PCSK6: variants seen among roughly 807,000 people sequenced by gnomAD.
PCSK6 encodes proprotein convertase subtilisin/kexin type 6, also known as paired basic amino acid cleaving enzyme 4.
PCSK6 carries 85 observed loss-of-function variants against 123.3 expected under a neutral mutation model. The observed-to-expected ratio is 0.69, with a 90% CI of 0.58 to 0.83. The LOEUF (loss-of-function observed/expected upper bound fraction) is 0.83. Among genes scored for constraint, PCSK6 ranks in the 40% least tolerant of loss-of-function variants. The pLI, the probability that PCSK6 is intolerant of heterozygous loss-of-function variation, is 0.00. For missense variants in PCSK6, 1,191 were observed against 1,282.3 expected (o/e 0.93, Z 1.09); for synonymous variants, 508 against 516.0 (o/e 0.98, Z 0.21).
intron 1 of PCSK6, among the ~76,000 whole-genome samples, chr15:101,478,331 G>T (rs1213730146): frequency 1.3e-5 from 2 of 152,148 alleles, no homozygotes; most frequent in African/African-American, 2.4e-5. Context: ...GTCATGGTGG[G>T]GTACTGGAAT....
At chr15:101,392,257 A>G (rs4965381) in intron 8 of PCSK6, among the ~76,000 whole-genome samples, 65,644 of 152,094 alleles carry the variant, frequency 0.43, 14,395 homozygotes, top group South Asian at 0.55. Flanking sequence ...TGCGTACTCC[A>G]GCAGAAAAGG....
chr15:101,471,101 G>A (rs1385637145), intron 1 of PCSK6, among the ~76,000 whole-genome samples: 1 of 152,100 alleles, frequency 6.6e-6, no homozygotes, highest in Admixed American at 6.5e-5. Flanking sequence ...TTCTCCCTGG[G>A]GCTGAAACTC....
intron 21 of PCSK6, among the ~76,000 whole-genome samples, chr15:101,306,083 A>C (rs1272511479): frequency 1.5e-5 from 2 of 137,060 alleles, no homozygotes; most frequent in Middle Eastern, 3.6e-3. Flanking sequence ...GCCTGGAGGC[A>C]GGAGGGAATG....
chr15:101,387,266 T>C (rs2042090896), intron 9 of PCSK6, among the ~76,000 whole-genome samples: 1 of 152,186 alleles, frequency 6.6e-6, no homozygotes, highest in Non-Finnish European at 1.5e-5. Context: ...CCGTGCACCC[T>C]GGTAGAGAGG....
chr15:101,331,998 C>T lies in PCSK6; in HGVS notation c.1892G>A (p.Gly631Asp), dbSNP rs1178390399. 1.2e-6 allele frequency: 2 copies of T among 1,611,958 alleles called. No homozygotes were observed. Among genetic ancestry groups the T allele is most frequent in the South Asian group, 2.2e-5 (2 of 90,872 alleles). ...KLKEWSLILY[G>D]TAEHPYHTFS... ...GGTGTGGTACGGGTGCTCTGCTGTG[C>T]CATACAGTATGAGGCTCCATTCTTT... Residue 631 changes from glycine (G) to aspartate (D), a missense_variant, in exon 14 of 22, where the codon GGC (glycine) becomes GAC (aspartate). By Grantham distance (94) the Gly-to-Asp change is moderately conservative. Coordinates refer to ENST00000611716, the MANE Select transcript of PCSK6 (RefSeq NM_002570.5).
chr15:101,353,555 C>G (rs2040957981), intron 13 of PCSK6, among the ~76,000 whole-genome samples: 1 of 152,230 alleles, frequency 6.6e-6, no homozygotes, highest in Non-Finnish European at 1.5e-5. Flanking sequence ...AGCCTCTCAG[C>G]AGCAACATTC....
intron 1 of PCSK6, among the ~76,000 whole-genome samples, chr15:101,454,236 AAATT>A: frequency 6.6e-6 from 1 of 152,250 alleles, no homozygotes; most frequent in Non-Finnish European, 1.5e-5. Context: ...AATTCTAGAA[AAATT>A]AATCTTCAAA....
intron 11 of PCSK6, among the ~76,000 whole-genome samples, chr15:101,379,603 G>C (rs1368425319): frequency 6.6e-6 from 1 of 152,206 alleles, no homozygotes; most frequent in Non-Finnish European, 1.5e-5. Context: ...GGACATTCAG[G>C]AAGTCCTAGG....
intron 1 of PCSK6, among the ~76,000 whole-genome samples, chr15:101,485,731 C>G (rs568585362): frequency 7.9e-5 from 12 of 152,306 alleles, no homozygotes; most frequent in Non-Finnish European, 1.2e-4. Context: ...GCTGGACTGT[C>G]GTTACCACAA....
chr15:101,400,425 G>C (rs1370231246), intron 6 of PCSK6, among the ~76,000 whole-genome samples: 1 of 152,196 alleles, frequency 6.6e-6, no homozygotes, highest in East Asian at 1.9e-4. Context: ...GTCTGCGCCT[G>C]TTTGTTCTAC....
At chr15:101,325,491 G>A (rs1459392889) in intron 16 of PCSK6, among the ~76,000 whole-genome samples, 1 of 152,204 alleles carries the variant, frequency 6.6e-6, no homozygotes, top group South Asian at 2.1e-4. Context: ...ATGGGCACCC[G>A]GCTTGACCTT....
At chr15:101,312,533 T>A (rs2039889643) in intron 20 of PCSK6, 1 of 152,078 alleles carries the variant, frequency 6.6e-6, no homozygotes, top group Non-Finnish European at 1.5e-5. Flanking sequence ...AGTATCTAAC[T>A]AAAAAAAATA....
chr15:101,350,583 G>A (rs1245228353), intron 13 of PCSK6, among the ~76,000 whole-genome samples: 2 of 152,214 alleles, frequency 1.3e-5, no homozygotes, highest in Non-Finnish European at 2.9e-5. Context: ...TTAAACAGCA[G>A]TTAAACCAAT....
chr15:101,307,257 G>A lies in PCSK6; in HGVS notation c.2768C>T (p.Thr923Ile), dbSNP rs1567133172. 6.2e-7 allele frequency: 1 copy of A among 1,613,844 alleles called. No individual in the cohort carries two copies. The highest frequency in any genetic ancestry group is 8.5e-7 in the Non-Finnish European group (1 of 1,179,824). The change falls in exon 21 of 22, where the codon ACA (threonine) becomes ATA (isoleucine). Residue 923 changes from threonine to isoleucine, a missense_variant. Coordinates refer to ENST00000611716, the MANE Select transcript of PCSK6 (RefSeq NM_002570.5). ...RNCSRCKTGF[T>I]QLGTSCITNH... is the part of the protein sequence containing the mutation. Reference sequence around the variant, plus strand: ...GGTGATGCAGGAGGTCCCCAGCTGTGTGAAGCCCGTCTTACACCTGCTACA... The same window carrying A: ...GGTGATGCAGGAGGTCCCCAGCTGTATGAAGCCCGTCTTACACCTGCTACA...
chr15:101,346,824 C>T, intron 13 of PCSK6: 5 of 1,231,574 alleles, frequency 4.1e-6, no homozygotes, highest in South Asian at 4.1e-5. Context: ...ACTGGAGATA[C>T]AGAACCGACT....
chr15:101,335,945 C>T (rs925322291), intron 13 of PCSK6, among the ~76,000 whole-genome samples: 4 of 152,174 alleles, frequency 2.6e-5, no homozygotes, highest in African/African-American at 9.7e-5. Flanking sequence ...AACTGTAACA[C>T]AATGATAAGT....
intron 1 of PCSK6, among the ~76,000 whole-genome samples, chr15:101,457,509 A>G (rs1670642844): frequency 6.6e-6 from 1 of 152,250 alleles, no homozygotes; most frequent in Non-Finnish European, 1.5e-5. Context: ...TAAAGAAAAG[A>G]ACAAGGATGC....
At chr15:101,375,140 A>G (rs966299052) in intron 11 of PCSK6, among the ~76,000 whole-genome samples, 7 of 152,014 alleles carry the variant, frequency 4.6e-5, no homozygotes, top group Non-Finnish European at 8.8e-5. Context: ...TTTAGTAGAG[A>G]TGGGGTTTCC....
intron 13 of PCSK6, 54 bp downstream of exon 13, chr15:101,366,142 T>C: frequency 6.4e-7 from 1 of 1,554,896 alleles, no homozygotes; most frequent in Non-Finnish European, 8.7e-7. Flanking sequence ...GGCCCAGAGG[T>C]AAAAAGAGGC....
Sources: gnomAD v4.1 joint callset for allele counts (sites outside exome capture counted in the v4.1 genomes callset) on GRCh38, gnomAD v4.1.1 for gene constraint, MANE v1.5 for transcripts, NCBI Gene and HGNC (gene_info 2026-07-23, HGNC 2026-07-21) for gene names.